OSBP2: variants seen among roughly 807,000 people sequenced by gnomAD.
The protein encoded by OSBP2 is oxysterol-binding protein 2.
OSBP2 carries 66 observed loss-of-function variants against 96.0 expected under a neutral mutation model. The observed-to-expected ratio is 0.69, with a 90% confidence interval of 0.56 to 0.84. The LOEUF is 0.84. Among genes scored for constraint, OSBP2 ranks in the 40% least tolerant of loss-of-function variants. OSBP2 has a pLI of 0.00. For missense variants in OSBP2, 1,038 were observed against 1,222.7 expected (o/e 0.85, Z 2.25); for synonymous variants, 525 against 520.9 (o/e 1.01, Z -0.11).
chr22:30,815,311 T>G (rs916659103), intron 2 of OSBP2, among the ~76,000 whole-genome samples: 3 of 152,014 alleles, frequency 2.0e-5, no homozygotes, highest in African/African-American at 7.2e-5. Flanking sequence ...AAAAACCTCT[T>G]TGGGCTCCAC....
intron 12 of OSBP2, among the ~76,000 whole-genome samples, chr22:30,904,902 A>G (rs1467725965): frequency 1.3e-5 from 2 of 152,154 alleles, no homozygotes; most frequent in Non-Finnish European, 2.9e-5. Context: ...CTGGAAGGCC[A>G]AGATAGGCAG....
At chr22:30,750,312 C>T (rs892160965) in intron 2 of OSBP2, among the ~76,000 whole-genome samples, 2 of 152,144 alleles carry the variant, frequency 1.3e-5, no homozygotes, top group Non-Finnish European at 2.9e-5. Flanking sequence ...GCTCCAGTTC[C>T]CTGTCTTTGG....
intron 2 of OSBP2, among the ~76,000 whole-genome samples, chr22:30,772,055 C>G (rs1046314013): frequency 6.6e-6 from 1 of 152,248 alleles, no homozygotes; most frequent in Non-Finnish European, 1.5e-5. Context: ...GGCCATCAGA[C>G]AGCCGCAAGC....
chr22:30,822,467 G>C, intron 2 of OSBP2: 1 of 1,193,510 alleles, frequency 8.4e-7, no homozygotes, highest in South Asian at 2.2e-5. Context: ...TCATGTACCG[G>C]GTGGCGGGCG....
intron 2 of OSBP2, among the ~76,000 whole-genome samples, chr22:30,769,152 C>T (rs1023662163): frequency 6.6e-6 from 1 of 152,216 alleles, no homozygotes; most frequent in Non-Finnish European, 1.5e-5. Context: ...TGCTGAATCA[C>T]AGTACCATGC....
chr22:30,867,469 C>G (rs959975543), intron 2 of OSBP2, among the ~76,000 whole-genome samples: 2 of 152,238 alleles, frequency 1.3e-5, no homozygotes, highest in Non-Finnish European at 2.9e-5. Flanking sequence ...TTCATTCACT[C>G]ACTCATTCAC....
intron 2 of OSBP2, among the ~76,000 whole-genome samples, chr22:30,813,100 G>A (rs1394031774): frequency 1.3e-5 from 2 of 149,590 alleles, no homozygotes; most frequent in Non-Finnish European, 3.0e-5. Context: ...ATATTGTCAT[G>A]TCTATCCATC....
upstream of OSBP2, chr22:30,694,478 C>A (rs938698538): frequency 9.4e-5 from 111 of 1,179,578 alleles, no homozygotes; most frequent in African/African-American, 1.4e-4. Context: ...GCGAACCCAC[C>A]CCAGCCTGGG....
chr22:30,879,590 C>T (rs1256772620), intron 3 of OSBP2, among the ~76,000 whole-genome samples: 2 of 152,184 alleles, frequency 1.3e-5, no homozygotes, highest in African/African-American at 4.8e-5. Flanking sequence ...GATGGAGACA[C>T]AGCATGACAG....
At position 30,729,466 on chromosome 22, in the gene OSBP2, C is replaced by T. The variant is rs11704165; in HGVS notation, c.645-11695C>T. Among the ~76,000 whole-genome samples, 302 of 151,304 alleles carry T rather than the reference C, an allele frequency of 2.0e-3. 1 individual carries two copies. The highest frequency in any genetic ancestry group is 3.4e-3 in the Non-Finnish European group (230 of 67,776). On this transcript the variant is annotated intron_variant, in intron 1 of 13. Coordinates refer to ENST00000332585, the MANE Select transcript of OSBP2 (RefSeq NM_030758.4). Reference sequence around the variant, plus strand: ...CAGCCTGGCCATCGTAATGAAACCCCGTCTCTACTAAAAATACAAACATTA... The same window carrying T: ...CAGCCTGGCCATCGTAATGAAACCCTGTCTCTACTAAAAATACAAACATTA...
In OSBP2 at chr22:30,906,027, C is replaced by G. The variant is rs1286509270; in HGVS notation, c.2566C>G (p.Leu856Val). 4.5e-6 allele frequency: 7 copies of G among 1,569,678 alleles called. No homozygotes were observed. The Admixed American group carries it at 1.3e-4, about 30-fold the overall frequency. Residue 856 changes from leucine (L) to valine (V), a missense_variant, in exon 13 of 14, where the codon CTG (leucine) becomes GTG (valine). This residue lies in a region of OSBP2 where 737 missense variants were observed against 913.3 expected (regional missense o/e 0.81). Coordinates refer to ENST00000332585, the MANE Select transcript of OSBP2 (RefSeq NM_030758.4). ...EKQRLSRRRR[L>V]EACGPGSSCS... ...GCAGCGCCTGTCGCGGCGCCGGCGG[C>G]TGGAGGCCTGCGGGCCGGGCAGCAG...
intron 1 of OSBP2, among the ~76,000 whole-genome samples, chr22:30,711,389 T>G (rs1287835542): frequency 1.3e-5 from 2 of 151,932 alleles, no homozygotes; most frequent in African/African-American, 4.8e-5. Flanking sequence ...ACAAACAATG[T>G]GTTTGTTCTC....
intron 1 of OSBP2, among the ~76,000 whole-genome samples, chr22:30,723,257 C>T (rs1380828225): frequency 2.6e-5 from 4 of 151,860 alleles, no homozygotes; most frequent in Admixed American, 2.0e-4. Flanking sequence ...CAGGTGCGAA[C>T]CACAAAGCCC....
chr22:30,725,202 A>C (rs371973115), intron 1 of OSBP2, among the ~76,000 whole-genome samples: 1 of 145,144 alleles, frequency 6.9e-6, no homozygotes, highest in Non-Finnish European at 1.5e-5. Context: ...AAAAACAAAA[A>C]AAAAACAAAA....
At chr22:30,869,510 TTTG>T (rs371320496) in intron 2 of OSBP2, among the ~76,000 whole-genome samples, 78 of 152,242 alleles carry the variant, frequency 5.1e-4, no homozygotes, top group South Asian at 4.2e-4. Flanking sequence ...TTTTTGTTTG[TTTG>T]TTGTTGTGTT....
intron 1 of OSBP2, among the ~76,000 whole-genome samples, chr22:30,727,121 T>G (rs2089664486): frequency 6.6e-6 from 1 of 152,212 alleles, no homozygotes; most frequent in Non-Finnish European, 1.5e-5. Flanking sequence ...GTACCATCTC[T>G]ACTTTTCCAT....
rs771892551 is a variant in OSBP2 at position 30,893,928 on chromosome 22, A to T, written c.2302A>T (p.Ser768Cys). 5 of 1,597,158 alleles carry T rather than the reference A, an allele frequency of 3.1e-6. No homozygotes were observed. Among genetic ancestry groups the T allele is most frequent in the Non-Finnish European group, 3.4e-6 (4 of 1,172,160 alleles). The change falls in exon 12 of 14, where the codon AGC becomes TGC. Residue 768 changes from serine to cysteine, a missense_variant. Around this residue, in one of 3 missense-constraint regions of OSBP2, gnomAD observed 737 missense variants for 913.3 expected, o/e 0.81. Coordinates refer to ENST00000332585, the MANE Select transcript of OSBP2 (RefSeq NM_030758.4). ...CATGCATAGCAGTCCCAGCAGCCCC[A>T]GCTCTGACGGGAAGCAGAAGACAGT... is the stretch of plus-strand genomic sequence containing the variant. ...KVMHSSPSSP[S>C]SDGKQKTVYQ... is the part of the protein sequence containing the mutation.
intron 1 of OSBP2, among the ~76,000 whole-genome samples, chr22:30,733,292 G>A (rs180711339): frequency 4.6e-5 from 7 of 152,278 alleles, no homozygotes; most frequent in Admixed American, 2.0e-4. Flanking sequence ...TCAAGACCTC[G>A]CCACTGCTTT....
Position 30,906,446 on chromosome 22 carries a change from C to A in OSBP2, c.*107C>A. ...TCTTTCTCCCAGCCCATTCCCAGCC[C>A]TTCCTATTTCCTTTCCTATTTTTTT... On this transcript the variant is annotated 3_prime_UTR_variant, in exon 14 of 14. Transcript: ENST00000332585. 1 of 1,319,048 alleles carries A rather than the reference C, an allele frequency of 7.6e-7. No homozygotes were observed. Among genetic ancestry groups the A allele is most frequent in the East Asian group, 2.6e-5 (1 of 38,278 alleles). The allele number at this position is 1,319,048 out of a possible 1,614,324, so 81.7% of individuals were successfully genotyped here.
Sources: gnomAD v4.1 joint callset for allele counts (sites outside exome capture counted in the v4.1 genomes callset) on GRCh38, gnomAD v4.1.1 for gene constraint, gnomAD v4.1.1 regional missense constraint, MANE v1.5 for transcripts, NCBI Gene and HGNC (gene_info 2026-07-23, HGNC 2026-07-21) for gene names.